The following PPP1R36 variants were observed in gnomAD, a reference collection of about 807,000 sequenced individuals.
PPP1R36 encodes protein phosphatase 1 regulatory subunit 36, also known as chromosome 14 open reading frame 50.
In PPP1R36, 47 loss-of-function variants were observed where a neutral mutation model predicts 53.4. That is an observed-to-expected ratio of 0.88 (90% CI 0.70 to 1.12). PPP1R36 has a LOEUF of 1.12. Among genes scored for constraint, PPP1R36 ranks in the 50% most tolerant of loss-of-function variants. PPP1R36 has a pLI of 0.00. For missense variants in PPP1R36, 456 were observed against 513.9 expected, an observed-to-expected ratio of 0.89 and a Z score of 1.09; for synonymous variants, 153 against 170.5, an observed-to-expected ratio of 0.90 and a Z score of 0.80.
chr14:64,565,804 T>C, intron 6 of PPP1R36, 112 bp downstream of exon 6: 1 of 799,292 alleles, frequency 1.3e-6, no homozygotes, highest in Non-Finnish European at 2.1e-6. Context: ...AGGCTGGCTC[T>C]ATGCAAGCCA....
chr14:64,576,878 C>T (rs71416332), intron 8 of PPP1R36, among the ~76,000 whole-genome samples: 2,303 of 152,304 alleles, frequency 0.015, 29 homozygotes, highest in Middle Eastern at 0.031. Context: ...CAGCATGGGA[C>T]GATGAAAATG....
At chr14:64,553,015 A>T in intron 3 of PPP1R36, 154 bp downstream of exon 3, 2 of 573,788 alleles carry the variant, frequency 3.5e-6, no homozygotes, top group South Asian at 2.1e-5. Flanking sequence ...CCTGTTGCCC[A>T]GGCTGGTGGA....
At chr14:64,568,084 A>T (rs977046202) in intron 6 of PPP1R36, among the ~76,000 whole-genome samples, 2 of 152,240 alleles carry the variant, frequency 1.3e-5, no homozygotes, top group Admixed American at 1.3e-4. Context: ...ATAACTTTTT[A>T]AAAATTAAAA....
At chr14:64,555,906 T>G (rs750369633) in intron 3 of PPP1R36, among the ~76,000 whole-genome samples, 1 of 152,102 alleles carries the variant, frequency 6.6e-6, no homozygotes, top group African/African-American at 2.4e-5. Context: ...ATTTCATATC[T>G]TTTTCCTCAT....
intron 3 of PPP1R36, among the ~76,000 whole-genome samples, chr14:64,555,096 C>T (rs1474296926): frequency 6.6e-6 from 1 of 152,160 alleles, no homozygotes; most frequent in East Asian, 1.9e-4. Flanking sequence ...TCGCCAGTGG[C>T]GCTTGCAGCT....
At chr14:64,585,410 G>T (rs562017988) in intron 8 of PPP1R36, among the ~76,000 whole-genome samples, 1 of 151,874 alleles carries the variant, frequency 6.6e-6, no homozygotes, top group African/African-American at 2.4e-5. Flanking sequence ...CAGCTACTTG[G>T]GAGGCTGAGG....
At chr14:64,551,703 GA>G (rs1316178787) in intron 2 of PPP1R36, 8 of 455,488 alleles carry the variant, frequency 1.8e-5, no homozygotes, top group Non-Finnish European at 3.5e-5. Context: ...TAGCAGAACT[GA>G]TAGTTTGAAC....
intron 7 of PPP1R36, among the ~76,000 whole-genome samples, chr14:64,573,837 C>T (rs906701579): frequency 6.5e-5 from 9 of 139,268 alleles, no homozygotes; most frequent in African/African-American, 1.4e-4. Flanking sequence ...TCCTTGAACC[C>T]GGGAGGTGGA....
In PPP1R36 at chr14:64,588,812, G is replaced by A. The variant is rs202071007; in HGVS notation, c.1083-340G>A. ...CAGCCTCAGGTGATCTGCCCGCCTC[G>A]GCCTCCCAAAGTGCTGGGATTACAG... On this transcript the variant is annotated intron_variant, in intron 11 of 11. Transcript: ENST00000298705. Among the ~76,000 whole-genome samples, 55 of 151,946 alleles carry A rather than the reference G, an allele frequency of 3.6e-4. 2 individuals carry two copies. In the East Asian group the frequency reaches 8.3e-3, roughly 23 times the overall value.
At chr14:64,553,844 AC>A in intron 3 of PPP1R36, among the ~76,000 whole-genome samples, 6 of 145,348 alleles carry the variant, frequency 4.1e-5, no homozygotes, top group African/African-American at 9.9e-5. Flanking sequence ...AAAAAAAACA[AC>A]AACTCCAAAC....
intron 8 of PPP1R36, among the ~76,000 whole-genome samples, chr14:64,579,961 C>T (rs1210425863): frequency 6.6e-6 from 1 of 150,470 alleles, no homozygotes; most frequent in African/African-American, 2.5e-5. Context: ...CAGAGCGAGA[C>T]TCCGTCTCAA....
At chr14:64,550,140 C>T in intron 1 of PPP1R36, 74 bp downstream of exon 1, 1 of 1,509,250 alleles carries the variant, frequency 6.6e-7, no homozygotes, top group South Asian at 1.2e-5. Flanking sequence ...ACCGGCGCCG[C>T]GCCCCTCGCC....
intron 1 of PPP1R36, chr14:64,550,337 G>A (rs1179713381): frequency 2.5e-6 from 3 of 1,218,492 alleles, no homozygotes; most frequent in Non-Finnish European, 3.1e-6. Flanking sequence ...TTGGTTGGTT[G>A]CAAAATAGGG....
At chr14:64,572,771 C>A (rs1400221446) in intron 7 of PPP1R36, among the ~76,000 whole-genome samples, 1 of 152,186 alleles carries the variant, frequency 6.6e-6, no homozygotes, top group Non-Finnish European at 1.5e-5. Flanking sequence ...AGCTTCAAGG[C>A]ATTCCTTGGT....
At chr14:64,558,783 G>A (rs574479643) in intron 3 of PPP1R36, among the ~76,000 whole-genome samples, 2 of 152,058 alleles carry the variant, frequency 1.3e-5, no homozygotes, top group South Asian at 2.1e-4. Flanking sequence ...TTATAGGCAC[G>A]CGGCACCACA....
chr14:64,583,972 C>T (rs1215338258), intron 8 of PPP1R36, among the ~76,000 whole-genome samples: 3 of 143,292 alleles, frequency 2.1e-5, no homozygotes, highest in South Asian at 2.2e-4. Flanking sequence ...GTGATCTTGG[C>T]TCACTGCAAC....
intron 3 of PPP1R36, among the ~76,000 whole-genome samples, chr14:64,562,636 GA>G (rs1278660909): frequency 2.0e-5 from 3 of 152,046 alleles, no homozygotes; most frequent in African/African-American, 7.2e-5. Flanking sequence ...GTGAAGTAGA[GA>G]AGGTGTGTCC....
In PPP1R36 at chr14:64,589,330, C is replaced by T. The variant is rs748896569; in HGVS notation, c.1261C>T (p.Pro421Ser). 2 of 1,606,792 alleles carry T rather than the reference C, an allele frequency of 1.2e-6. No homozygotes were observed. Among genetic ancestry groups the T allele is most frequent in the Admixed American group, 3.4e-5 (2 of 59,490 alleles). Residue 421 changes from proline to serine, a missense_variant, in exon 12 of 12, where the codon CCT becomes TCT. By Grantham distance (74) the Pro-to-Ser change is moderately conservative. Transcript: ENST00000298705. ...MKTLSSHTSC[P>S]K Reference sequence around the variant, plus strand: ...AACACTGTCCTCTCATACATCATGCCCTAAGTAACCTGGTACATTCCATAT... The same window carrying T: ...AACACTGTCCTCTCATACATCATGCTCTAAGTAACCTGGTACATTCCATAT...
intron 8 of PPP1R36, among the ~76,000 whole-genome samples, chr14:64,576,601 T>C (rs377291647): frequency 6.6e-6 from 1 of 152,340 alleles, no homozygotes. Context: ...TTCTTTGTTT[T>C]GTTGGTTGTA....
Sources: gnomAD v4.1 joint callset for allele counts (sites outside exome capture counted in the v4.1 genomes callset) on GRCh38, gnomAD v4.1.1 for gene constraint, MANE v1.5 for transcripts, NCBI Gene and HGNC (gene_info 2026-07-23, HGNC 2026-07-21) for gene names.